The following RGS17 variants were observed in gnomAD, a reference collection of about 807,000 sequenced individuals.
The protein encoded by RGS17 is regulator of G protein signaling 17.
A neutral mutation model predicts 25.5 loss-of-function variants in RGS17; 12 were observed. The ratio of observed to expected loss-of-function variants is 0.47; its 90% confidence interval spans 0.30 to 0.76. The LOEUF (loss-of-function observed/expected upper bound fraction) is 0.76. Among genes scored for constraint, RGS17 ranks in the 30% least tolerant of loss-of-function variants. RGS17 has a pLI of 0.07. For synonymous variants in RGS17, 71 were observed against 76.9 expected (o/e 0.92, Z 0.40); for missense variants, 196 against 242.2 (o/e 0.81, Z 1.27).
chr6:153,070,512 C>T (rs1279501151), intron 1 of RGS17, among the ~76,000 whole-genome samples: 2 of 152,008 alleles, frequency 1.3e-5, no homozygotes, highest in Non-Finnish European at 2.9e-5. Flanking sequence ...TGGATTTGAT[C>T]TGATCCCTCA....
chr6:153,124,612 C>T (rs1777679587), intron 1 of RGS17, among the ~76,000 whole-genome samples: 2 of 152,250 alleles, frequency 1.3e-5, no homozygotes, highest in African/African-American at 2.4e-5. Context: ...TTCAGTTTTA[C>T]AGATAATGAT....
intron 1 of RGS17, among the ~76,000 whole-genome samples, chr6:153,069,802 TA>T (rs1439238633): frequency 6.0e-5 from 9 of 148,852 alleles, no homozygotes; most frequent in South Asian, 2.1e-4. Context: ...AATTAAAAAC[TA>T]AAAAAAAATT....
Position 153,011,658 on chromosome 6 carries a change from G to A in RGS17, c.549C>T (p.His183=). The change falls in exon 5 of 5, where the codon CAC becomes CAT. Residue 183 remains histidine (H), a synonymous_variant. Coordinates refer to ENST00000206262, the MANE Select transcript of RGS17 (RefSeq NM_012419.5). ...DAQLQIYTLM[H]RDSFPRFLNS... The stretch of plus-strand genomic sequence containing the variant: ...TCAAAAACCTTGGAAAAGAATCTCT[G>A]TGCATTAAAGTATATATCTGAAGTT... 2 of 1,612,190 alleles carry A rather than the reference G, an allele frequency of 1.2e-6. No individual in the cohort carries two copies. The highest frequency in any genetic ancestry group is 8.5e-7 in the Non-Finnish European group (1 of 1,178,472).
At chr6:153,104,815 T>C (rs1400743889) in intron 1 of RGS17, among the ~76,000 whole-genome samples, 2 of 144,358 alleles carry the variant, frequency 1.4e-5, no homozygotes, top group South Asian at 2.1e-4. Context: ...AGAGCGAGAC[T>C]CTTGTCTCAA....
At chr6:153,016,780 A>G (rs1174005198) in intron 4 of RGS17, among the ~76,000 whole-genome samples, 3 of 152,136 alleles carry the variant, frequency 2.0e-5, no homozygotes, top group Non-Finnish European at 4.4e-5. Context: ...ATAAGGATAA[A>G]CCCCATGGGG....
At chr6:153,122,165 C>T (rs1046493558) in intron 1 of RGS17, among the ~76,000 whole-genome samples, 1 of 152,134 alleles carries the variant, frequency 6.6e-6, no homozygotes, top group African/African-American at 2.4e-5. Context: ...GCCTCCCCCT[C>T]TATTCTCAAG....
intron 1 of RGS17, among the ~76,000 whole-genome samples, chr6:153,108,190 C>T (rs775461346): frequency 6.6e-5 from 10 of 152,112 alleles, no homozygotes; most frequent in African/African-American, 1.2e-4. Context: ...ATACAGCCTC[C>T]GTACATAATT....
At chr6:153,072,224 CAT>C (rs918021933) in intron 1 of RGS17, among the ~76,000 whole-genome samples, 1 of 152,084 alleles carries the variant, frequency 6.6e-6, no homozygotes, top group African/African-American at 2.4e-5. Context: ...TGATGGAAAA[CAT>C]ATAATAGCAT....
At chr6:153,089,843 G>A (rs1195851980) in intron 1 of RGS17, among the ~76,000 whole-genome samples, 2 of 152,054 alleles carry the variant, frequency 1.3e-5, no homozygotes, top group Admixed American at 6.5e-5. Context: ...AACTTTTATA[G>A]CATGCTGGTT....
At chr6:153,128,271 A>C (rs1036410194) in intron 1 of RGS17, among the ~76,000 whole-genome samples, 1 of 152,244 alleles carries the variant, frequency 6.6e-6, no homozygotes, top group African/African-American at 2.4e-5. Flanking sequence ...ATCACATAGC[A>C]TTATTCTCAA....
intron 2 of RGS17, 30 bp downstream of exon 2, chr6:153,043,870 G>A (rs777916271): frequency 2.1e-6 from 3 of 1,398,000 alleles, no homozygotes; most frequent in Non-Finnish European, 3.0e-6. Flanking sequence ...CCAAGCCTGG[G>A]TGTGGCATCC....
At chr6:153,120,275 A>G (rs940631106) in intron 1 of RGS17, among the ~76,000 whole-genome samples, 3 of 152,328 alleles carry the variant, frequency 2.0e-5, no homozygotes, top group African/African-American at 7.2e-5. Flanking sequence ...TCTGATGGCT[A>G]TGTCAAACTA....
At chr6:153,082,195 T>C (rs1169077733) in intron 1 of RGS17, among the ~76,000 whole-genome samples, 1 of 152,226 alleles carries the variant, frequency 6.6e-6, no homozygotes. Flanking sequence ...ATAGTGTATA[T>C]TGGCGTGGTT....
intron 1 of RGS17, among the ~76,000 whole-genome samples, chr6:153,094,078 T>C (rs567114808): frequency 6.3e-4 from 88 of 140,098 alleles, no homozygotes; most frequent in African/African-American, 2.2e-3. Context: ...ACATCTATAC[T>C]GAACTTTTTT....
intron 2 of RGS17, among the ~76,000 whole-genome samples, chr6:153,041,631 A>G (rs1274727358): frequency 6.6e-6 from 1 of 152,246 alleles, no homozygotes; most frequent in South Asian, 2.1e-4. Context: ...CAATTCAGAG[A>G]TAAGTTTTGG....
intron 2 of RGS17, among the ~76,000 whole-genome samples, chr6:153,041,679 G>A (rs1776322341): frequency 6.6e-6 from 1 of 152,136 alleles, no homozygotes; most frequent in Non-Finnish European, 1.5e-5. Flanking sequence ...CAGGAACCTG[G>A]TATAGTGCAA....
chr6:153,046,048 G>A (rs1776380546), intron 1 of RGS17, among the ~76,000 whole-genome samples: 1 of 152,128 alleles, frequency 6.6e-6, no homozygotes, highest in Non-Finnish European at 1.5e-5. Context: ...CAGCAACATG[G>A]ATGGAACTGG....
intron 1 of RGS17, among the ~76,000 whole-genome samples, chr6:153,084,050 T>G (rs1012857973): frequency 1.3e-5 from 2 of 152,158 alleles, no homozygotes; most frequent in African/African-American, 4.8e-5. Flanking sequence ...CACTGAAATT[T>G]TGATGAATGA....
rs1441516930 is a variant in RGS17, at chr6:153,079,053, T to C, written c.-25-35010A>G. Among the ~76,000 whole-genome samples the C allele has an allele frequency of 4.0e-5, 6 of 151,200 alleles. No homozygotes were observed. In the Admixed American group the frequency reaches 4.0e-4, roughly 10 times the overall value. On this transcript the variant is annotated intron_variant, in intron 1 of 4. Transcript: ENST00000206262. ...TCACCTTATTACACTGGTTAGAGTATCTAAAACAATGTTGAAAAGAAGTGA... is the reference window on the plus strand; with the variant it reads ...TCACCTTATTACACTGGTTAGAGTACCTAAAACAATGTTGAAAAGAAGTGA...
Sources: allele counts gnomAD v4.1 joint callset (sites outside exome capture counted in the v4.1 genomes callset), GRCh38; gene constraint gnomAD v4.1.1; transcripts MANE v1.5; gene names NCBI Gene and HGNC (gene_info 2026-07-23, HGNC 2026-07-21).